Variants in MITF observed in about 807,000 individuals in gnomAD.
MITF encodes the protein melanocyte inducing transcription factor.
MITF carries 17 observed loss-of-function variants against 60.5 expected under a neutral mutation model. That is an observed-to-expected ratio of 0.28 (90% CI 0.19 to 0.42). The LOEUF (loss-of-function observed/expected upper bound fraction) is 0.42, where lower values mean the gene tolerates loss of function less well. Among genes scored for constraint, MITF ranks in the 10% least tolerant of loss-of-function variants. The pLI is 1.00. For synonymous variants in MITF, 260 were observed against 248.5 expected, an observed-to-expected ratio of 1.05 and a Z score of -0.43; for missense variants, 622 against 683.5, an observed-to-expected ratio of 0.91 and a Z score of 1.00.
At chr3:69,937,364 A>AT (rs2065863778) in intron 2 of MITF, among the ~76,000 whole-genome samples, 1 of 126,918 alleles carries the variant, frequency 7.9e-6, no homozygotes, top group African/African-American at 3.1e-5. Context: ...GTTCTTAAGG[A>AT]GGTGTGTGTG....
intron 2 of MITF, among the ~76,000 whole-genome samples, chr3:69,934,604 T>C (rs899587891): frequency 3.3e-5 from 5 of 152,176 alleles, no homozygotes; most frequent in Admixed American, 2.0e-4. Context: ...GAGAAGTTAA[T>C]GAATTGCAGA....
chr3:69,948,324 G>A (rs1370429848), intron 5 of MITF, among the ~76,000 whole-genome samples: 3 of 151,828 alleles, frequency 2.0e-5, no homozygotes, highest in Non-Finnish European at 2.9e-5. Context: ...AGGAGGACTC[G>A]CTGCTTTAAA....
chr3:69,785,192 T>G (rs1255763370), intron 1 of MITF, among the ~76,000 whole-genome samples: 1 of 152,114 alleles, frequency 6.6e-6, no homozygotes, highest in Non-Finnish European at 1.5e-5. Flanking sequence ...TGAACATTCT[T>G]CATGAGGGCT....
chr3:69,804,784 G>A (rs971253728), intron 1 of MITF, among the ~76,000 whole-genome samples: 1 of 152,208 alleles, frequency 6.6e-6, no homozygotes, highest in Non-Finnish European at 1.5e-5. Context: ...TCTGAGTGAA[G>A]GAAGATCTGG....
At chr3:69,823,673 T>C (rs909389396) in intron 1 of MITF, among the ~76,000 whole-genome samples, 5 of 152,252 alleles carry the variant, frequency 3.3e-5, no homozygotes, top group Admixed American at 3.3e-4. Context: ...TTTTATTTAT[T>C]TTAGTATCAG....
At chr3:69,944,924 C>T (rs909288817) in intron 5 of MITF, among the ~76,000 whole-genome samples, 1 of 152,036 alleles carries the variant, frequency 6.6e-6, no homozygotes, top group African/African-American at 2.4e-5. Context: ...GTTTAATGTT[C>T]TTCGTGTTAG....
chr3:69,873,136 C>T lies in MITF; in HGVS notation c.105-5998C>T, dbSNP rs537249379. Among the ~76,000 whole-genome samples, 4 of 152,210 alleles carry T rather than the reference C, an allele frequency of 2.6e-5. 1 individual carries two copies. Among genetic ancestry groups the T allele is most frequent in the African/African-American group, 9.6e-5 (4 of 41,524 alleles). On this transcript the variant is annotated intron_variant, in intron 1 of 9. Transcript: ENST00000352241. ...CCCAAGTTAGGTGTTGACAGAAGTC[C>T]AGAAGATCTCAGTGTGAAGCCGAAC... is the stretch of plus-strand genomic sequence containing the variant.
intron 9 of MITF, among the ~76,000 whole-genome samples, chr3:69,962,929 C>T (rs2066586420): frequency 1.3e-5 from 2 of 152,192 alleles, no homozygotes; most frequent in Admixed American, 6.5e-5. Context: ...AAGTTGTCAG[C>T]AGGGTTGGTC....
At chr3:69,822,147 A>G (rs903497297) in intron 1 of MITF, among the ~76,000 whole-genome samples, 2 of 152,252 alleles carry the variant, frequency 1.3e-5, no homozygotes, top group Non-Finnish European at 2.9e-5. Flanking sequence ...ACTATAAACC[A>G]CACCTGGCCT....
intron 1 of MITF, among the ~76,000 whole-genome samples, chr3:69,824,376 G>T (rs1417246971): frequency 6.6e-6 from 1 of 152,048 alleles, no homozygotes; most frequent in Non-Finnish European, 1.5e-5. Flanking sequence ...TGGATTCTTA[G>T]AACTTATTGC....
At chr3:69,961,563 AG>A (rs1202847881) in intron 9 of MITF, among the ~76,000 whole-genome samples, 20 of 149,708 alleles carry the variant, frequency 1.3e-4, no homozygotes, top group African/African-American at 4.7e-4. Flanking sequence ...AAAAAAAAAA[AG>A]AAAAGAAAAG....
Position 69,753,007 on chromosome 3 carries a change from C to T in MITF, c.104+13306C>T, listed in dbSNP as rs191245896. Among the ~76,000 whole-genome samples the T allele has an allele frequency of 2.5e-4, 38 of 152,286 alleles. No homozygotes were observed. In the East Asian group the frequency reaches 2.9e-3, roughly 12 times the overall value. On this transcript the variant is annotated intron_variant, in intron 1 of 9. Coordinates refer to ENST00000352241, the MANE Select transcript of MITF (RefSeq NM_001354604.2). ...GGCCAAGTGCTAACATCCAACACAA[C>T]GGGGAGAAGGCCTCAAAAGCATTTC...
At chr3:69,756,743 GC>G (rs750972948) in intron 1 of MITF, among the ~76,000 whole-genome samples, 1 of 152,066 alleles carries the variant, frequency 6.6e-6, no homozygotes, top group African/African-American at 2.4e-5. Flanking sequence ...TAACTTGTAC[GC>G]CTACCAACAG....
At chr3:69,813,891 T>G (rs2063139948) in intron 1 of MITF, among the ~76,000 whole-genome samples, 1 of 152,174 alleles carries the variant, frequency 6.6e-6, no homozygotes, top group Non-Finnish European at 1.5e-5. Context: ...TGGAGACCCC[T>G]TAAAATCTAT....
chr3:69,801,065 T>C lies in MITF; in HGVS notation c.104+61364T>C, dbSNP rs532716198. Among the ~76,000 whole-genome samples the C allele has an allele frequency of 3.0e-4, 46 of 152,010 alleles. 1 individual carries two copies. In the South Asian group the frequency reaches 9.1e-3, roughly 30 times the overall value. On this transcript the variant is annotated intron_variant, in intron 1 of 9. Transcript: ENST00000352241. ...TGTTTTCCTTGTGTAACTTTTTTTT[T>C]TTTTTTTACCTTGAAATGCTATTCC...
intron 2 of MITF, among the ~76,000 whole-genome samples, chr3:69,896,101 G>T (rs1424360514): frequency 1.3e-5 from 2 of 151,938 alleles, no homozygotes; most frequent in African/African-American, 4.8e-5. Context: ...CACATCTGTT[G>T]CACTGTGTTT....
chr3:69,888,848 C>T (rs2064687047), intron 2 of MITF, among the ~76,000 whole-genome samples: 1 of 151,656 alleles, frequency 6.6e-6, no homozygotes. Flanking sequence ...ACTGGGCTTT[C>T]TTTTCTGTCT....
At position 69,785,055 on chromosome 3, in the gene MITF, T is replaced by C. The variant is rs1174298747; in HGVS notation, c.104+45354T>C. Among the ~76,000 whole-genome samples, 8 of 150,574 alleles carry C rather than the reference T, an allele frequency of 5.3e-5. No individual in the cohort carries two copies. In the East Asian group the frequency reaches 1.6e-3, roughly 30 times the overall value. Reference sequence around the variant, plus strand: ...GTTGGATTTTTTTTTTTTTTTTAAATAGCACAAGATGATTGTCTTTCTGCT... The same window carrying C: ...GTTGGATTTTTTTTTTTTTTTTAAACAGCACAAGATGATTGTCTTTCTGCT... On this transcript the variant is annotated intron_variant, in intron 1 of 9. Coordinates refer to ENST00000352241, the MANE Select transcript of MITF (RefSeq NM_001354604.2).
chr3:69,873,716 G>T (rs1229515030), intron 1 of MITF, among the ~76,000 whole-genome samples: 2 of 152,188 alleles, frequency 1.3e-5, no homozygotes, highest in Non-Finnish European at 2.9e-5. Context: ...CTCAGACATG[G>T]AAGAAAGTAT....
Sources: allele counts gnomAD v4.1 joint callset (sites outside exome capture counted in the v4.1 genomes callset), GRCh38; gene constraint gnomAD v4.1.1; transcripts MANE v1.5; gene names NCBI Gene and HGNC (gene_info 2026-07-23, HGNC 2026-07-21).